Variants in COL3A1 observed in about 807,000 individuals in gnomAD.
COL3A1 encodes the protein collagen type III alpha 1 chain.
In COL3A1, 46 loss-of-function variants were observed where a neutral mutation model predicts 200.9. That is an observed-to-expected ratio of 0.23 (90% CI 0.18 to 0.29). The LOEUF (loss-of-function observed/expected upper bound fraction) is 0.29. COL3A1 is among the 10% of genes least tolerant of loss of function. The probability of loss-of-function intolerance (pLI) is 1.00; values close to 1 mark genes in which losing one functional copy is unlikely to be tolerated. For synonymous variants in COL3A1, 650 were observed against 628.0 expected (o/e 1.03, Z -0.52); for missense variants, 1,367 against 1,917.6 (o/e 0.71, Z 5.36).
At chr2:189,007,180 TAG>T (rs1688612620) in intron 44 of COL3A1, among the ~76,000 whole-genome samples, 190 bp downstream of exon 44, 1 of 134,082 alleles carries the variant, frequency 7.5e-6, no homozygotes, top group African/African-American at 3.0e-5. Context: ...GATAGATAGA[TAG>T]ATAGATAGAT....
At chr2:188,991,224 T>C (rs1688182106) in intron 11 of COL3A1, among the ~76,000 whole-genome samples, 167 bp downstream of exon 11, 1 of 152,158 alleles carries the variant, frequency 6.6e-6, no homozygotes, top group Non-Finnish European at 1.5e-5. Context: ...AACGCTTCCA[T>C]GAAAAATGAC....
intron 43 of COL3A1, 72 bp downstream of exon 43, chr2:189,006,524 A>T (rs1248571039): frequency 4.8e-6 from 7 of 1,450,742 alleles, no homozygotes; most frequent in Non-Finnish European, 6.7e-6. Context: ...GGTAGAAGGT[A>T]GAATGTCAGA....
Position 188,994,881 on chromosome 2 carries a change from A to G in COL3A1, c.1455+50A>G. ...AAGAAAAGCAGCATCACTGTCATCT[A>G]AATAAAACTACCTTCAGGGTGAGAC... On this transcript the variant is annotated intron_variant, in intron 20 of 50. Coordinates refer to ENST00000304636, the MANE Select transcript of COL3A1 (RefSeq NM_000090.4). The surrounding 1 kb of genome is among the most constrained non-coding windows in gnomAD (Gnocchi z 4.5). 1 of 1,598,964 alleles carries G rather than the reference A, an allele frequency of 6.3e-7. No homozygotes were observed. Among genetic ancestry groups the G allele is most frequent in the African/African-American group, 1.3e-5 (1 of 74,700 alleles).
At chr2:188,980,520 T>C (rs996418797) in intron 1 of COL3A1, among the ~76,000 whole-genome samples, 27 of 150,602 alleles carry the variant, frequency 1.8e-4, no homozygotes, top group Non-Finnish European at 3.9e-4. Flanking sequence ...TCTAAGGAGA[T>C]TGAAAAAGCA....
rs1688147264 is a variant in COL3A1, at chr2:188,989,769, C to T, written c.690+320C>T. On this transcript the variant is annotated intron_variant, in intron 8 of 50. Coordinates refer to ENST00000304636, the MANE Select transcript of COL3A1 (RefSeq NM_000090.4). ...TCTTTTAATGATGAAATTGATACCA[C>T]TATTTAATGAACTTGAGAAGTTATA... Among the ~76,000 whole-genome samples, 3 of 152,116 alleles carry T rather than the reference C, an allele frequency of 2.0e-5. No homozygotes were observed. In the South Asian group the frequency reaches 6.2e-4, roughly 32 times the overall value.
rs768725737 is a variant in COL3A1, at chr2:189,006,420, C to G, written c.3169C>G (p.Pro1057Ala). 1 of 1,614,022 alleles carries G rather than the reference C, an allele frequency of 6.2e-7. No individual in the cohort carries two copies. Among genetic ancestry groups the G allele is most frequent in the South Asian group, 1.1e-5 (1 of 91,058 alleles). ...TCCAGGCCCACCTGGTCCTGTCGGT[C>G]CAGCTGGAAAGAGTGGTGACAGAGG... ...GHPGPPGPVGPAGKSGDRGES... is the reference protein window; with the variant it reads ...GHPGPPGPVGAAGKSGDRGES... Residue 1057 changes from proline to alanine, a missense_variant, in exon 43 of 51, where the codon CCA becomes GCA. Physicochemically the swap from Pro to Ala is conservative, Grantham distance 27 (BLOSUM62 -1). Transcript: ENST00000304636.
rs571712558 is a variant in COL3A1 at position 189,010,118 on chromosome 2, C to T, written c.3824-60C>T. 2.6e-6 allele frequency: 4 copies of T among 1,549,306 alleles called. No individual in the cohort carries two copies. The East Asian group carries it at 6.8e-5, about 26-fold the overall frequency. On this transcript the variant is annotated intron_variant, in intron 48 of 50. Coordinates refer to ENST00000304636, the MANE Select transcript of COL3A1 (RefSeq NM_000090.4). ...ATGAATGCCTTTACAGGTAAACAAA[C>T]AAAATCACTTTATTACTGGATTTTA...
Position 189,008,122 on chromosome 2 carries a change from A to C in COL3A1, c.3505A>C (p.Arg1169=), listed in dbSNP as rs546664098. ...TGGACCACCAGGGCCTCGAGGTAACAGAGGTGAAAGAGGATCTGAGGTAAG... is the reference window on the plus strand; with the variant it reads ...TGGACCACCAGGGCCTCGAGGTAACCGAGGTGAAAGAGGATCTGAGGTAAG... ...PIGPPGPRGN[R]GERGSEGSPG... Residue 1169 remains arginine (R), a synonymous_variant, in exon 47 of 51, where the codon AGA becomes CGA. Coordinates refer to ENST00000304636, the MANE Select transcript of COL3A1 (RefSeq NM_000090.4). The C allele has an allele frequency of 6.8e-6, 11 of 1,613,220 alleles. No homozygotes were observed. The highest frequency in any genetic ancestry group is 1.7e-4 in the Middle Eastern group (1 of 6,054).
intron 8 of COL3A1, among the ~76,000 whole-genome samples, 199 bp downstream of exon 8, chr2:188,989,648 CAAAAT>C (rs1430722542): frequency 6.6e-6 from 1 of 152,000 alleles, no homozygotes; most frequent in African/African-American, 2.4e-5. Context: ...TGTTGAATTC[CAAAAT>C]AAAATCCTTA....
chr2:188,995,070 G>A lies in COL3A1; in HGVS notation c.1480G>A (p.Ala494Thr), dbSNP rs200866608. 1.9e-6 allele frequency: 3 copies of A among 1,614,114 alleles called. No homozygotes were observed. Among genetic ancestry groups the A allele is most frequent in the Non-Finnish European group, 2.5e-6 (3 of 1,180,040 alleles). The change falls in exon 21 of 51, where the codon GCT (alanine) becomes ACT (threonine). Residue 494 changes from alanine (A) to threonine (T), a missense_variant. Physicochemically the swap from Ala to Thr is moderately conservative, Grantham distance 58. Around this residue, in one of 5 missense-constraint regions of COL3A1, gnomAD observed 462 missense variants for 681.4 expected, o/e 0.68. Transcript: ENST00000304636. The stretch of plus-strand genomic sequence containing the variant: ...GGGTGCCCCTGGGTTCCGAGGACCT[G>A]CTGGACCAAATGGCATCCCAGGAGA... Reference protein sequence around the residue: ...ERGAPGFRGPAGPNGIPGEKG... With the variant: ...ERGAPGFRGPTGPNGIPGEKG...
rs553166027 is a variant in COL3A1 at position 188,985,458 on chromosome 2, G to A, written c.334-207G>A. 6.6e-5 allele frequency among the ~76,000 whole-genome samples: 10 copies of A among 151,962 alleles called. No individual in the cohort carries two copies. The South Asian group carries it at 2.1e-3, about 32-fold the overall frequency. On this transcript the variant is annotated intron_variant, in intron 3 of 50. Coordinates refer to ENST00000304636, the MANE Select transcript of COL3A1 (RefSeq NM_000090.4). ...TATTATGTCTTCACCCCCATGATCA[G>A]TTTAAAGAAAATGTGTAGGTCAATA...
chr2:188,998,216 T>C (rs1476982846), intron 27 of COL3A1, 50 bp from the exon 28 acceptor site: 2 of 1,536,252 alleles, frequency 1.3e-6, no homozygotes, highest in Non-Finnish European at 9.0e-7. Context: ...GAAGCTTTTC[T>C]ATAAGCCATG....
chr2:188,980,880 G>A (rs959157899), intron 1 of COL3A1, among the ~76,000 whole-genome samples: 5 of 151,164 alleles, frequency 3.3e-5, no homozygotes, highest in Admixed American at 6.6e-5. Context: ...GCTTTCTAAA[G>A]TAATGAAAAT....
intron 15 of COL3A1, 121 bp from the exon 16 acceptor site, chr2:188,993,240 T>G: frequency 1.2e-6 from 1 of 812,884 alleles, no homozygotes; most frequent in Non-Finnish European, 2.1e-6. Flanking sequence ...TTGCTTTACC[T>G]GCAGTATAGA....
chr2:188,992,917 T>C lies in COL3A1; in HGVS notation c.1027T>C (p.Phe343Leu). 1.2e-6 allele frequency: 2 copies of C among 1,614,008 alleles called. No individual in the cohort carries two copies. Among genetic ancestry groups the C allele is most frequent in the Non-Finnish European group, 1.7e-6 (2 of 1,179,934 alleles). Reference protein sequence around the residue: ...GPPGPPGTAGFPGSPGAKGEV... With the variant: ...GPPGPPGTAGLPGSPGAKGEV... The stretch of plus-strand genomic sequence containing the variant: ...TCCTGGTCCTCCTGGAACTGCCGGA[T>C]TCCCTGGATCCCCTGGTGCTAAGGT... The change falls in exon 15 of 51, where the codon TTC becomes CTC. Residue 343 changes from phenylalanine to leucine, a missense_variant. Coordinates refer to ENST00000304636, the MANE Select transcript of COL3A1 (RefSeq NM_000090.4).
chr2:188,995,511 T>TA, intron 21 of COL3A1, 181 bp from the exon 22 acceptor site: 1 of 583,802 alleles, frequency 1.7e-6, no homozygotes, highest in East Asian at 2.9e-5. Context: ...AAAGTTGCTT[T>TA]AAAATTTTTT....
At chr2:188,980,111 A>T (rs994101752) in intron 1 of COL3A1, among the ~76,000 whole-genome samples, 3 of 151,694 alleles carry the variant, frequency 2.0e-5, no homozygotes, top group African/African-American at 7.2e-5. Flanking sequence ...AGTGATAAGG[A>T]TGGTGAAATG....
Position 188,998,465 on chromosome 2 carries a change from T to G in COL3A1, c.1977+146T>G, listed in dbSNP as rs933762105. ...AAATATTATCAAAACAAAGACAAAT[T>G]ATTTAAAAGATAACTATTATATAGA... On this transcript the variant is annotated intron_variant, in intron 28 of 50. Transcript: ENST00000304636. The G allele has an allele frequency of 7.1e-5, 67 of 937,572 alleles. 1 individual carries two copies. In the South Asian group the frequency reaches 8.2e-4, roughly 11 times the overall value. 58.1% of individuals were successfully genotyped at this position (937,572 alleles called of 1,614,324 possible).
chr2:188,997,119 T>A (rs1688345301), intron 24 of COL3A1, 46 bp from the exon 25 acceptor site: 2 of 1,529,384 alleles, frequency 1.3e-6, no homozygotes, highest in East Asian at 2.3e-5. Flanking sequence ...ATATGATTAG[T>A]TATTGCCCTT....
Sources: allele counts gnomAD v4.1 joint callset (sites outside exome capture counted in the v4.1 genomes callset), GRCh38; gene constraint gnomAD v4.1.1; regional missense constraint gnomAD v4.1.1; non-coding constraint Gnocchi (gnomAD v3.1); transcripts MANE v1.5; gene names NCBI Gene and HGNC (gene_info 2026-07-23, HGNC 2026-07-21).